TPST2: variants seen among roughly 807,000 people sequenced by gnomAD.
The protein encoded by TPST2 is tyrosylprotein sulfotransferase 2.
A neutral mutation model predicts 27.8 loss-of-function variants in TPST2; 16 were observed. The ratio of observed to expected loss-of-function variants is 0.58; its 90% confidence interval spans 0.39 to 0.88. The LOEUF is 0.88. TPST2 is among the 40% of genes least tolerant of loss of function. The pLI, the probability that TPST2 is intolerant of heterozygous loss-of-function variation, is 0.00. For synonymous variants in TPST2, 229 were observed against 231.7 expected, an observed-to-expected ratio of 0.99 and a Z score of 0.10; for missense variants, 464 against 543.1, an observed-to-expected ratio of 0.85 and a Z score of 1.45.
intron 1 of TPST2, among the ~76,000 whole-genome samples, chr22:26,583,792 A>T (rs1447462910): frequency 6.6e-6 from 1 of 152,190 alleles, no homozygotes; most frequent in Admixed American, 6.5e-5. Flanking sequence ...AGGAACCAAG[A>T]TCATGCCATT....
chr22:26,585,690 C>A (rs1469436993), intron 1 of TPST2, among the ~76,000 whole-genome samples: 1 of 152,276 alleles, frequency 6.6e-6, no homozygotes, highest in Middle Eastern at 3.4e-3. Context: ...TGGTCACCAA[C>A]CCCAGGCTGT....
At chr22:26,526,815 T>C (rs574870123) in intron 6 of TPST2, among the ~76,000 whole-genome samples, 14 of 152,282 alleles carry the variant, frequency 9.2e-5, no homozygotes, top group Non-Finnish European at 1.9e-4. Context: ...TGGTGGCTCA[T>C]GCCTGTAATC....
intron 1 of TPST2, among the ~76,000 whole-genome samples, chr22:26,574,872 G>A (rs1602300266): frequency 6.6e-6 from 1 of 152,160 alleles, no homozygotes; most frequent in African/African-American, 2.4e-5. Context: ...GGGTCCAGGA[G>A]GAGCCATCCT....
intron 1 of TPST2, among the ~76,000 whole-genome samples, chr22:26,573,731 T>A (rs1157469363): frequency 6.6e-6 from 1 of 152,190 alleles, no homozygotes; most frequent in Non-Finnish European, 1.5e-5. Flanking sequence ...GCCTTCGTCC[T>A]GGTAATATTT....
chr22:26,579,429 G>A (rs910649789), intron 1 of TPST2, among the ~76,000 whole-genome samples: 2 of 152,198 alleles, frequency 1.3e-5, no homozygotes, highest in African/African-American at 4.8e-5. Flanking sequence ...GGGGCCCGGT[G>A]GGGAAGGGAG....
intron 3 of TPST2, among the ~76,000 whole-genome samples, chr22:26,539,217 GGGACCAGCCATGGGAA>G (rs1004585759): frequency 9.8e-5 from 15 of 152,304 alleles, no homozygotes; most frequent in South Asian, 4.1e-4. Context: ...GGGCCCAGCA[GGGACCAGCCATGGGAA>G]GGACCAGCCA....
intron 1 of TPST2, among the ~76,000 whole-genome samples, chr22:26,557,431 T>C (rs1008690775): frequency 6.6e-6 from 1 of 152,134 alleles, no homozygotes; most frequent in African/African-American, 2.4e-5. Context: ...GATAGGGGCT[T>C]AATAAGGGAA....
intron 1 of TPST2, among the ~76,000 whole-genome samples, chr22:26,569,084 C>G (rs1927496442): frequency 6.6e-6 from 1 of 151,992 alleles, no homozygotes; most frequent in Non-Finnish European, 1.5e-5. Flanking sequence ...AGGATGGTCT[C>G]GATCTCCTGA....
At chr22:26,527,074 G>C (rs993374748) in intron 6 of TPST2, among the ~76,000 whole-genome samples, 1 of 152,180 alleles carries the variant, frequency 6.6e-6, no homozygotes, top group African/African-American at 2.4e-5. Context: ...GTGAGACTCT[G>C]TCTCAAAAAC....
At chr22:26,587,344 G>A (rs188665988) in intron 1 of TPST2, among the ~76,000 whole-genome samples, 2 of 152,224 alleles carry the variant, frequency 1.3e-5, no homozygotes, top group East Asian at 1.9e-4. Context: ...GCCTCTCCTT[G>A]CTTCGGTATT....
chr22:26,577,001 C>A (rs1243891240), intron 1 of TPST2, among the ~76,000 whole-genome samples: 2 of 148,014 alleles, frequency 1.4e-5, no homozygotes, highest in African/African-American at 5.0e-5. Context: ...GAGGCTGAAG[C>A]AGGAGAATGG....
chr22:26,583,099 G>A (rs1205441196), intron 1 of TPST2, among the ~76,000 whole-genome samples: 2 of 145,466 alleles, frequency 1.4e-5, no homozygotes, highest in East Asian at 2.0e-4. Flanking sequence ...GCAACAGAGC[G>A]AGACTCCATC....
At chr22:26,589,451 AG>A (rs774308286) in intron 1 of TPST2, among the ~76,000 whole-genome samples, 45 of 150,888 alleles carry the variant, frequency 3.0e-4, no homozygotes, top group African/African-American at 1.0e-3. Flanking sequence ...GAGTTTACGG[AG>A]GGAGGTTGGG....
At chr22:26,539,214 G>A (rs1371344657) in intron 3 of TPST2, among the ~76,000 whole-genome samples, 1 of 152,224 alleles carries the variant, frequency 6.6e-6, no homozygotes, top group Non-Finnish European at 1.5e-5. Flanking sequence ...AAGGGGCCCA[G>A]CAGGGACCAG....
chr22:26,536,545 T>C, intron 3 of TPST2, 59 bp from the exon 4 acceptor site: 3 of 1,387,472 alleles, frequency 2.2e-6, no homozygotes, highest in Non-Finnish European at 1.9e-6. Context: ...CCTGAGCGGA[T>C]TCCCTGCTCA....
chr22:26,574,620 T>G (rs1423076346), intron 1 of TPST2, among the ~76,000 whole-genome samples: 1 of 152,178 alleles, frequency 6.6e-6, no homozygotes, highest in Non-Finnish European at 1.5e-5. Context: ...CCTTGGATCC[T>G]CATTATCTGC....
intron 1 of TPST2, among the ~76,000 whole-genome samples, chr22:26,587,137 A>T (rs117620029): frequency 0.022 from 3,370 of 152,218 alleles, 65 homozygotes; most frequent in Middle Eastern, 0.034. Context: ...GGGTCAAGGG[A>T]CAAGTCTTCC....
intron 5 of TPST2, 79 bp downstream of exon 5, chr22:26,532,616 G>T: frequency 7.0e-7 from 1 of 1,423,460 alleles, no homozygotes; most frequent in South Asian, 1.2e-5. Context: ...GTGGAGAAGT[G>T]ACACATCTAA....
intron 1 of TPST2, among the ~76,000 whole-genome samples, chr22:26,583,562 A>G (rs1928207505): frequency 1.3e-5 from 2 of 151,968 alleles, no homozygotes; most frequent in Non-Finnish European, 2.9e-5. Flanking sequence ...TGTCAAAAAA[A>G]AAAAAAAATT....
Sources: gnomAD v4.1 joint callset for allele counts (sites outside exome capture counted in the v4.1 genomes callset) on GRCh38, gnomAD v4.1.1 for gene constraint, MANE v1.5 for transcripts, NCBI Gene and HGNC (gene_info 2026-07-23, HGNC 2026-07-21) for gene names.